TRAPPC3: variants seen among roughly 807,000 people sequenced by gnomAD.
The protein encoded by TRAPPC3 is trafficking protein particle complex 3.
TRAPPC3 carries 5 observed loss-of-function variants against 18.2 expected under a neutral mutation model. The observed-to-expected ratio is 0.28, with a 90% CI of 0.14 to 0.58. The LOEUF is 0.58. Among genes scored for constraint, TRAPPC3 ranks in the 20% least tolerant of loss-of-function variants. The pLI is 0.91. For synonymous variants in TRAPPC3, 65 were observed against 84.2 expected (o/e 0.77, Z 1.25); for missense variants, 176 against 225.9 (o/e 0.78, Z 1.41).
chr1:36,155,084 G>A (rs1042803874), intron 1 of TRAPPC3, among the ~76,000 whole-genome samples: 54 of 152,246 alleles, frequency 3.5e-4, no homozygotes, highest in African/African-American at 1.2e-3. Flanking sequence ...AAGGGGGACA[G>A]TATCTCACTG....
chr1:36,140,326 A>G (rs1408726496), intron 1 of TRAPPC3, 160 bp from the exon 2 acceptor site: 2 of 501,960 alleles, frequency 4.0e-6, no homozygotes, highest in Non-Finnish European at 6.9e-6. Context: ...TTTGGCCTGC[A>G]AGGTCAAAGC....
upstream of TRAPPC3, among the ~76,000 whole-genome samples, chr1:36,151,477 G>T (rs1415819395): frequency 6.6e-6 from 1 of 152,174 alleles, no homozygotes; most frequent in Non-Finnish European, 1.5e-5. Flanking sequence ...GAGCATTGTG[G>T]TGTGCACCTC....
chr1:36,145,430 A>C (rs746341398), intron 1 of TRAPPC3, among the ~76,000 whole-genome samples: 1 of 152,160 alleles, frequency 6.6e-6, no homozygotes, highest in Non-Finnish European at 1.5e-5. Flanking sequence ...GAGGATCAAT[A>C]GCAAGACTAA....
chr1:36,146,314 TGA>T (rs1644198684), intron 1 of TRAPPC3, among the ~76,000 whole-genome samples: 1 of 127,442 alleles, frequency 7.8e-6, no homozygotes, highest in Non-Finnish European at 1.8e-5. Context: ...TTTTTTTTTT[TGA>T]GATGGAGTCT....
chr1:36,149,239 A>G lies in TRAPPC3; in HGVS notation c.42+98T>C, dbSNP rs373670705. The G allele has an allele frequency of 7.0e-6, 11 of 1,570,318 alleles. No homozygotes were observed. In the African/African-American group the frequency reaches 1.5e-4, roughly 21 times the overall value. On this transcript the variant is annotated intron_variant, in intron 1 of 4. Transcript: ENST00000373166. ...GCTTCCCCTTGCCAGAGCTCACAGGAAGGCCCTTTTCCAAACGCACCTCGC... is the reference window on the plus strand; with the variant it reads ...GCTTCCCCTTGCCAGAGCTCACAGGGAGGCCCTTTTCCAAACGCACCTCGC...
At chr1:36,146,382 C>T (rs1187552654) in intron 1 of TRAPPC3, among the ~76,000 whole-genome samples, 2 of 151,274 alleles carry the variant, frequency 1.3e-5, no homozygotes, top group African/African-American at 2.4e-5. Flanking sequence ...CTGCAAGCTC[C>T]GCCTCCCGGG....
chr1:36,148,312 T>C (rs1362272401), intron 1 of TRAPPC3, among the ~76,000 whole-genome samples: 1 of 150,230 alleles, frequency 6.7e-6, no homozygotes, highest in Non-Finnish European at 1.5e-5. Flanking sequence ...ATACAAAAAT[T>C]GGTCAGGCGC....
chr1:36,151,080 G>A (rs1237864091), upstream of TRAPPC3, among the ~76,000 whole-genome samples: 2 of 152,182 alleles, frequency 1.3e-5, no homozygotes, highest in African/African-American at 2.4e-5. Context: ...AACAGCCTCC[G>A]AGATTTTGCC....
intron 1 of TRAPPC3, among the ~76,000 whole-genome samples, chr1:36,141,958 C>CAAAAAAAAAAAAAAAAAA (rs71053907): frequency 1.6e-5 from 1 of 64,120 alleles, no homozygotes; most frequent in African/African-American, 6.0e-5. Context: ...ATTCCGTCTC[C>CAAAAAAAAAAAAAAAAAA]AAAAAAAAAA....
chr1:36,139,154 G>GTTTTT (rs1557757375), intron 3 of TRAPPC3, among the ~76,000 whole-genome samples: 1 of 141,620 alleles, frequency 7.1e-6, no homozygotes, highest in African/African-American at 2.8e-5. Context: ...TTGTGAGTCT[G>GTTTTT]TATTTTTTTT....
intron 1 of TRAPPC3, among the ~76,000 whole-genome samples, chr1:36,143,741 A>G (rs1644150928): frequency 6.6e-6 from 1 of 152,216 alleles, no homozygotes; most frequent in South Asian, 2.1e-4. Context: ...AGGTTAAGTA[A>G]CTGAGACTCA....
At chr1:36,146,303 T>C (rs1188045088) in intron 1 of TRAPPC3, among the ~76,000 whole-genome samples, 2 of 147,012 alleles carry the variant, frequency 1.4e-5, no homozygotes, top group African/African-American at 2.5e-5. Context: ...GGTCTCTCTT[T>C]TTTTTTTTTT....
At chr1:36,140,295 C>A in intron 1 of TRAPPC3, 129 bp from the exon 2 acceptor site, 1 of 591,892 alleles carries the variant, frequency 1.7e-6, no homozygotes, top group East Asian at 3.2e-5. Context: ...GAACATCATC[C>A]CCTTTGGAGG....
chr1:36,141,832 C>A (rs763741373), intron 1 of TRAPPC3, among the ~76,000 whole-genome samples: 1 of 151,956 alleles, frequency 6.6e-6, no homozygotes, highest in African/African-American at 2.4e-5. Context: ...GTGGCGCGTG[C>A]CTGTAATCCC....
intron 1 of TRAPPC3, among the ~76,000 whole-genome samples, chr1:36,146,592 TAAAAAAAAAAAAA>T: frequency 1.2e-5 from 1 of 82,986 alleles, no homozygotes; most frequent in East Asian, 4.4e-4. Context: ...CCTACTTCAT[TAAAAAAAAAAAAA>T]AAAAAAAAAA....
intron 1 of TRAPPC3, 134 bp downstream of exon 1, chr1:36,149,203 C>G (rs1644245466): frequency 1.3e-6 from 2 of 1,519,438 alleles, no homozygotes; most frequent in Non-Finnish European, 1.8e-6. Context: ...CCCGGAGTGA[C>G]CCAGCAAGAG....
chr1:36,143,686 G>A (rs1644149949), intron 1 of TRAPPC3, among the ~76,000 whole-genome samples: 1 of 152,144 alleles, frequency 6.6e-6, no homozygotes, highest in Non-Finnish European at 1.5e-5. Context: ...ACAACCACGA[G>A]AGGTTAGCAG....
chr1:36,154,576 C>T (rs1377242117), intron 1 of TRAPPC3, among the ~76,000 whole-genome samples: 1 of 152,108 alleles, frequency 6.6e-6, no homozygotes, highest in African/African-American at 2.4e-5. Context: ...AGTCCCCCCA[C>T]CCTGCAGATA....
intron 3 of TRAPPC3, 143 bp downstream of exon 3, chr1:36,139,577 C>T (rs974041056): frequency 4.7e-6 from 5 of 1,060,368 alleles, no homozygotes; most frequent in African/African-American, 3.2e-5. Context: ...TCCCTAACGA[C>T]CTGGAATGTT....
Sources: allele counts gnomAD v4.1 joint callset (sites outside exome capture counted in the v4.1 genomes callset), GRCh38; gene constraint gnomAD v4.1.1; transcripts MANE v1.5; gene names NCBI Gene and HGNC (gene_info 2026-07-23, HGNC 2026-07-21).